DNMBP: variants seen among roughly 807,000 people sequenced by gnomAD.
DNMBP encodes the protein dynamin binding protein, also known as dynamin-binding protein.
Under a neutral mutation model 150.0 loss-of-function variants are expected in DNMBP, and 87 were observed. The observed-to-expected ratio is 0.58, with a 90% confidence interval of 0.49 to 0.69. DNMBP has a LOEUF of 0.69. Among genes scored for constraint, DNMBP ranks in the 30% least tolerant of loss-of-function variants. DNMBP has a pLI of 0.00. For missense variants in DNMBP, 1,774 were observed against 1,949.0 expected, an observed-to-expected ratio of 0.91 and a Z score of 1.69; for synonymous variants, 711 against 750.4, an observed-to-expected ratio of 0.95 and a Z score of 0.86.
chr10:99,901,001 T>C (rs961361397), intron 6 of DNMBP, among the ~76,000 whole-genome samples: 1 of 152,150 alleles, frequency 6.6e-6, no homozygotes, highest in Non-Finnish European at 1.5e-5. Context: ...AGTGGTACGA[T>C]CTTGGCTCAC....
intron 3 of DNMBP, among the ~76,000 whole-genome samples, chr10:99,961,722 C>G (rs1483862963): frequency 6.6e-6 from 1 of 152,146 alleles, no homozygotes. Context: ...CCTCCCCGGG[C>G]CAAACTTTTA....
chr10:99,894,012 A>G (rs1255956100), intron 11 of DNMBP, among the ~76,000 whole-genome samples: 1 of 152,170 alleles, frequency 6.6e-6, no homozygotes. Context: ...AAATTCTTTT[A>G]TAAGATCAGA....
At chr10:99,934,436 G>C (rs1564737605) in intron 4 of DNMBP, among the ~76,000 whole-genome samples, 1 of 145,092 alleles carries the variant, frequency 6.9e-6, no homozygotes, top group Non-Finnish European at 1.5e-5. Context: ...TCATAGGTGA[G>C]ATAATATTGG....
At chr10:99,891,197 G>GTCTCCCTC (rs1475525180) in intron 11 of DNMBP, among the ~76,000 whole-genome samples, 1 of 39,046 alleles carries the variant, frequency 2.6e-5, no homozygotes, top group Non-Finnish European at 5.5e-5. Flanking sequence ...TCTCCCCACC[G>GTCTCCCTC]TCTCCCTCTC....
intron 4 of DNMBP, chr10:99,929,600 G>A (rs1564735418): frequency 1.5e-6 from 1 of 665,454 alleles, no homozygotes; most frequent in Admixed American, 2.3e-5. Flanking sequence ...GGCTGGCTGA[G>A]TTCATACCTT....
At chr10:99,941,766 C>T (rs78637407) in intron 4 of DNMBP, among the ~76,000 whole-genome samples, 1,572 of 152,306 alleles carry the variant, frequency 0.01, 22 homozygotes, top group African/African-American at 0.037. Flanking sequence ...CCACGCCTGG[C>T]CTCTTCTCAG....
At position 99,885,836 on chromosome 10, in the gene DNMBP, G is replaced by C; in HGVS notation, c.3649C>G (p.Leu1217Val). 6.2e-7 allele frequency: 1 copy of C among 1,613,216 alleles called. No individual in the cohort carries two copies. Among genetic ancestry groups the C allele is most frequent in the South Asian group, 1.1e-5 (1 of 90,680 alleles). The stretch of plus-strand genomic sequence containing the variant: ...TGCTCTTCGTGGAAGATGGCAATAA[G>C]GTTTCCCTCTCTGCCAGCCACTTTG... ...LLKVAGREGN[L>V]IAIFHEEHSR... Residue 1217 changes from leucine (L) to valine (V), a missense_variant, in exon 14 of 17, where the codon CTT becomes GTT. Leu to Val is a conservative substitution (Grantham distance 32). This residue lies in a region of DNMBP where 1,430 missense variants were observed against 1,492.5 expected (regional missense o/e 0.96). Coordinates refer to ENST00000324109, the MANE Select transcript of DNMBP (RefSeq NM_015221.4).
chr10:99,912,937 CTG>C (rs774017287), intron 4 of DNMBP, among the ~76,000 whole-genome samples: 7 of 152,298 alleles, frequency 4.6e-5, no homozygotes, highest in East Asian at 1.9e-4. Context: ...CTTGAAATGA[CTG>C]TAAGTATAAA....
chr10:99,943,889 T>C (rs2040329583), intron 4 of DNMBP, among the ~76,000 whole-genome samples: 2 of 152,244 alleles, frequency 1.3e-5, no homozygotes, highest in African/African-American at 4.8e-5. Flanking sequence ...TGGCTGTCTT[T>C]AGTGCATCTT....
At chr10:99,961,247 A>G (rs1319904100) in intron 3 of DNMBP, among the ~76,000 whole-genome samples, 3 of 144,128 alleles carry the variant, frequency 2.1e-5, no homozygotes, top group South Asian at 4.4e-4. Flanking sequence ...TCCTTCTTTC[A>G]AAATATTTCT....
At chr10:99,968,171 G>A (rs560393524) in intron 3 of DNMBP, among the ~76,000 whole-genome samples, 4 of 152,248 alleles carry the variant, frequency 2.6e-5, no homozygotes, top group Admixed American at 1.3e-4. Flanking sequence ...GCCTGGCTAA[G>A]TATGACTATC....
chr10:99,913,095 G>A (rs776111701), intron 4 of DNMBP, among the ~76,000 whole-genome samples: 30 of 152,204 alleles, frequency 2.0e-4, no homozygotes, highest in Non-Finnish European at 3.4e-4. Flanking sequence ...AGGAGTTCAA[G>A]ACCAGCCTGG....
rs1245493655 is a variant in DNMBP, at chr10:99,900,077, C to G, written c.2555-11G>C. On this transcript the variant is annotated splice_polypyrimidine_tract_variant and intron_variant, in intron 6 of 16. Coordinates refer to ENST00000324109, the MANE Select transcript of DNMBP (RefSeq NM_015221.4). The stretch of plus-strand genomic sequence containing the variant: ...CAAGAAACACAGGTCCTTTGGAATA[C>G]ACACAAACATACAGTGTTTTTAGTA... 6.2e-7 allele frequency: 1 copy of G among 1,614,006 alleles called. No homozygotes were observed. Among genetic ancestry groups the G allele is most frequent in the Middle Eastern group, 1.6e-4 (1 of 6,062 alleles).
chr10:99,978,712 G>T (rs1455194350), intron 1 of DNMBP, among the ~76,000 whole-genome samples: 1 of 151,930 alleles, frequency 6.6e-6, no homozygotes, highest in East Asian at 1.9e-4. Flanking sequence ...CTGAATATCT[G>T]CGATCACAGG....
chr10:99,984,070 G>A (rs745937111), intron 1 of DNMBP, among the ~76,000 whole-genome samples: 3 of 152,162 alleles, frequency 2.0e-5, no homozygotes, highest in Admixed American at 6.5e-5. Context: ...AATTTACAGC[G>A]TCTACGCCAC....
chr10:99,933,333 G>A (rs2997834), intron 4 of DNMBP, among the ~76,000 whole-genome samples: 70,270 of 150,814 alleles, frequency 0.47, 17,365 homozygotes, highest in African/African-American at 0.63. Context: ...TAAAATAAAA[G>A]GGGTATTGAA....
At chr10:99,912,653 G>T (rs1363301247) in intron 4 of DNMBP, among the ~76,000 whole-genome samples, 1 of 152,080 alleles carries the variant, frequency 6.6e-6, no homozygotes, top group Non-Finnish European at 1.5e-5. Context: ...CGGGGTATCC[G>T]CAATTTTAAT....
At chr10:99,977,161 A>G (rs7078153) in intron 1 of DNMBP, among the ~76,000 whole-genome samples, 70,977 of 151,986 alleles carry the variant, frequency 0.47, 17,595 homozygotes, top group African/African-American at 0.63. Flanking sequence ...GAATGAGTGC[A>G]TAATCACTGA....
At chr10:99,878,024 CAGG>C (rs778891958) in intron 16 of DNMBP, among the ~76,000 whole-genome samples, 2 of 152,156 alleles carry the variant, frequency 1.3e-5, no homozygotes, top group Non-Finnish European at 2.9e-5. Flanking sequence ...GAGGTTGTGG[CAGG>C]AGAATTGCCT....
Sources: allele counts gnomAD v4.1 joint callset (sites outside exome capture counted in the v4.1 genomes callset), GRCh38; gene constraint gnomAD v4.1.1; regional missense constraint gnomAD v4.1.1; transcripts MANE v1.5; gene names NCBI Gene and HGNC (gene_info 2026-07-23, HGNC 2026-07-21).